Variants in PRKG1 observed in about 807,000 individuals in gnomAD.
PRKG1 encodes protein kinase cGMP-dependent 1, also known as cGMP-dependent protein kinase 1.
In PRKG1, 35 loss-of-function variants were observed where a neutral mutation model predicts 88.1. The ratio of observed to expected loss-of-function variants is 0.40; its 90% confidence interval spans 0.30 to 0.53. The LOEUF (loss-of-function observed/expected upper bound fraction) is 0.53, where lower values mean the gene tolerates loss of function less well. Ranked by LOEUF, PRKG1 falls within the 20% of genes least tolerant of loss-of-function variation. The pLI, the probability that PRKG1 is intolerant of heterozygous loss-of-function variation, is 0.59. For synonymous variants in PRKG1, 303 were observed against 292.5 expected, an observed-to-expected ratio of 1.04 and a Z score of -0.37; for missense variants, 540 against 839.8, an observed-to-expected ratio of 0.64 and a Z score of 4.41.
At chr10:51,150,580 T>C (rs1846044875) in intron 1 of PRKG1, among the ~76,000 whole-genome samples, 1 of 152,156 alleles carries the variant, frequency 6.6e-6, no homozygotes, top group African/African-American at 2.4e-5. Context: ...TCAGAAATAA[T>C]GCTATTTGGC....
intron 3 of PRKG1, among the ~76,000 whole-genome samples, chr10:51,716,694 T>C (rs1841895220): frequency 1.3e-5 from 2 of 152,136 alleles, no homozygotes; most frequent in South Asian, 4.2e-4. Flanking sequence ...TTAATAATAT[T>C]GCTGTTTTTT....
chr10:51,969,920 G>A (rs1006825818), intron 5 of PRKG1, among the ~76,000 whole-genome samples: 2 of 150,922 alleles, frequency 1.3e-5, no homozygotes, highest in African/African-American at 4.9e-5. Flanking sequence ...AGTTAAAACA[G>A]TATAAAGAAT....
chr10:51,786,256 A>T (rs1838725099), intron 3 of PRKG1, among the ~76,000 whole-genome samples: 1 of 152,040 alleles, frequency 6.6e-6, no homozygotes, highest in Admixed American at 6.6e-5. Flanking sequence ...AGGCTGGTGG[A>T]TCTGTTATTT....
At chr10:51,447,084 C>T (rs772117281) in intron 2 of PRKG1, among the ~76,000 whole-genome samples, 2 of 151,858 alleles carry the variant, frequency 1.3e-5, no homozygotes, top group African/African-American at 4.8e-5. Context: ...TTTATAATAC[C>T]GCCAATTGAG....
chr10:51,372,947 T>C (rs1164505502), intron 2 of PRKG1, among the ~76,000 whole-genome samples: 1 of 152,116 alleles, frequency 6.6e-6, no homozygotes, highest in African/African-American at 2.4e-5. Flanking sequence ...TTGTTTAGGA[T>C]TTTTTAACTT....
At position 51,207,314 on chromosome 10, in the gene PRKG1, GAGA is replaced by G. The variant is rs546501037; in HGVS notation, c.478+53991_478+53993del. Among the ~76,000 whole-genome samples the G allele has an allele frequency of 5.6e-4, 85 of 152,216 alleles. 1 individual carries two copies. The highest frequency in any genetic ancestry group is 1.1e-3 in the Non-Finnish European group (75 of 68,008). ...TTACGTTCAAGACTTTGGTTTCTCTGAGAAGAAGATTTCAAAGGACCACTCTTA... is the reference window on the plus strand; with the variant it reads ...TTACGTTCAAGACTTTGGTTTCTCTGAGAAGATTTCAAAGGACCACTCTTA... On this transcript the variant is annotated intron_variant, in intron 2 of 17. Coordinates refer to ENST00000373980, the MANE Select transcript of PRKG1 (RefSeq NM_006258.4).
intron 7 of PRKG1, 51 bp downstream of exon 7, chr10:52,062,682 T>C (rs1846265873): frequency 7.0e-7 from 1 of 1,432,130 alleles, no homozygotes. Flanking sequence ...TACATAAATT[T>C]CTGTCTGAAA....
At chr10:51,200,258 A>G (rs561468417) in intron 2 of PRKG1, among the ~76,000 whole-genome samples, 1 of 152,214 alleles carries the variant, frequency 6.6e-6, no homozygotes, top group Non-Finnish European at 1.5e-5. Flanking sequence ...TGTGAAAGGA[A>G]AGGATGGGAG....
chr10:51,527,527 A>G (rs997719610), intron 3 of PRKG1, among the ~76,000 whole-genome samples: 12 of 151,970 alleles, frequency 7.9e-5, no homozygotes, highest in Non-Finnish European at 1.6e-4. Context: ...TTTCAAGGGG[A>G]AAAAAAAGTA....
At chr10:51,307,142 T>C (rs1285925725) in intron 2 of PRKG1, among the ~76,000 whole-genome samples, 1 of 152,034 alleles carries the variant, frequency 6.6e-6, no homozygotes, top group Non-Finnish European at 1.5e-5. Flanking sequence ...TGTTAATATA[T>C]TATATATTAT....
chr10:52,078,248 A>C (rs1165935854), intron 7 of PRKG1, among the ~76,000 whole-genome samples: 1 of 152,236 alleles, frequency 6.6e-6, no homozygotes, highest in Non-Finnish European at 1.5e-5. Context: ...CCAAACACAA[A>C]TAGTCAAGAA....
rs147611637 is a variant in PRKG1, at chr10:51,491,252, T to C, written c.592+23416T>C. Reference sequence around the variant, plus strand: ...TTAGTAGAATTAGGAAGTATATAAATGTTATGACAAAGTGATGGACTTCAA... The same window carrying C: ...TTAGTAGAATTAGGAAGTATATAAACGTTATGACAAAGTGATGGACTTCAA... On this transcript the variant is annotated intron_variant, in intron 3 of 17. Coordinates refer to ENST00000373980, the MANE Select transcript of PRKG1 (RefSeq NM_006258.4). Among the ~76,000 whole-genome samples, 3 of 152,190 alleles carry C rather than the reference T, an allele frequency of 2.0e-5. No homozygotes were observed. In the East Asian group the frequency reaches 5.8e-4, roughly 29 times the overall value.
intron 3 of PRKG1, among the ~76,000 whole-genome samples, chr10:51,801,613 A>T (rs889929290): frequency 6.6e-6 from 1 of 152,162 alleles, no homozygotes. Context: ...TATGCTTCCC[A>T]ATATTCTTCC....
chr10:51,618,700 T>C (rs1839128612), intron 3 of PRKG1, among the ~76,000 whole-genome samples: 1 of 152,126 alleles, frequency 6.6e-6, no homozygotes, highest in Non-Finnish European at 1.5e-5. Flanking sequence ...ATGTTTTAAG[T>C]AAGGAAGTAG....
At chr10:51,830,643 C>A (rs138108477) in intron 4 of PRKG1, among the ~76,000 whole-genome samples, 3,168 of 148,494 alleles carry the variant, frequency 0.021, 94 homozygotes, top group African/African-American at 0.073. Flanking sequence ...CTCACTGCAA[C>A]CTCTTTCTCC....
At chr10:51,745,559 A>G (rs970764625) in intron 3 of PRKG1, among the ~76,000 whole-genome samples, 1 of 152,204 alleles carries the variant, frequency 6.6e-6, no homozygotes, top group Non-Finnish European at 1.5e-5. Flanking sequence ...ATGTACATAT[A>G]CATATATATG....
chr10:52,215,394 CA>C (rs565578326), intron 9 of PRKG1, among the ~76,000 whole-genome samples: 33,032 of 95,738 alleles, frequency 0.35, 3,590 homozygotes, highest in African/African-American at 0.37. Context: ...AACTCCATCT[CA>C]AAAAAAAAAA....
chr10:52,115,000 T>C (rs1847654087), intron 7 of PRKG1, among the ~76,000 whole-genome samples: 2 of 152,082 alleles, frequency 1.3e-5, no homozygotes, highest in South Asian at 4.1e-4. Flanking sequence ...GCACACGAAA[T>C]ATCATGGGTG....
At chr10:51,462,413 C>T (rs1042521309) in intron 2 of PRKG1, among the ~76,000 whole-genome samples, 2 of 152,056 alleles carry the variant, frequency 1.3e-5, no homozygotes, top group East Asian at 1.9e-4. Flanking sequence ...TAAACAAAGC[C>T]GGGAGGTTCT....
Sources: gnomAD v4.1 joint callset for allele counts (sites outside exome capture counted in the v4.1 genomes callset) on GRCh38, gnomAD v4.1.1 for gene constraint, MANE v1.5 for transcripts, NCBI Gene and HGNC (gene_info 2026-07-23, HGNC 2026-07-21) for gene names.